TMC1: variants seen among roughly 807,000 people sequenced by gnomAD.
TMC1 encodes the protein transmembrane channel like 1.
Under a neutral mutation model 105.8 loss-of-function variants are expected in TMC1, and 84 were observed. The observed-to-expected ratio is 0.79, with a 90% CI of 0.67 to 0.95. TMC1 has a LOEUF of 0.95. Among genes scored for constraint, TMC1 ranks in the 40% least tolerant of loss-of-function variants. TMC1 has a pLI of 0.00. For synonymous variants in TMC1, 315 were observed against 311.5 expected, an observed-to-expected ratio of 1.01 and a Z score of -0.12; for missense variants, 817 against 914.1, an observed-to-expected ratio of 0.89 and a Z score of 1.37.
rs1223563934 is a variant in TMC1 at position 72,609,368 on chromosome 9, G to A, written c.-305-7000G>A. ...AGCCTGGCCAACATGGTGAAAACCC[G>A]TCTCTACTAAAAATACAAAAATTAG... On this transcript the variant is annotated intron_variant, in intron 2 of 23. Coordinates refer to ENST00000297784, the MANE Select transcript of TMC1 (RefSeq NM_138691.3). Among the ~76,000 whole-genome samples the A allele has an allele frequency of 6.6e-5, 10 of 152,078 alleles. No homozygotes were observed. The East Asian group carries it at 1.4e-3, about 21-fold the overall frequency.
intron 5 of TMC1, among the ~76,000 whole-genome samples, chr9:72,670,072 A>G (rs2589623): frequency 0.5 from 75,349 of 151,956 alleles, 18,988 homozygotes; most frequent in African/African-American, 0.59. Flanking sequence ...AATTCATGAG[A>G]AAGAGTTCCA....
At chr9:72,573,430 C>T (rs978737248) in intron 1 of TMC1, among the ~76,000 whole-genome samples, 1 of 152,190 alleles carries the variant, frequency 6.6e-6, no homozygotes, top group African/African-American at 2.4e-5. Context: ...CCACTAAAGA[C>T]CTCACAGTAC....
At chr9:72,692,018 T>C (rs1292376182) in intron 6 of TMC1, among the ~76,000 whole-genome samples, 1 of 152,120 alleles carries the variant, frequency 6.6e-6, no homozygotes, top group South Asian at 2.1e-4. Flanking sequence ...TTAGAAAAGT[T>C]GGAGTGTTAG....
intron 18 of TMC1, among the ~76,000 whole-genome samples, chr9:72,815,752 C>T (rs1828776962): frequency 6.6e-6 from 1 of 152,142 alleles, no homozygotes; most frequent in Non-Finnish European, 1.5e-5. Flanking sequence ...AGTTTATCAT[C>T]ACATCAGATA....
intron 8 of TMC1, among the ~76,000 whole-genome samples, chr9:72,737,630 A>G (rs1827322278): frequency 6.6e-6 from 1 of 152,084 alleles, no homozygotes; most frequent in South Asian, 2.1e-4. Context: ...TTAGAACCCA[A>G]CTTGCTTGAT....
At chr9:72,707,843 G>A (rs1372602356) in intron 8 of TMC1, among the ~76,000 whole-genome samples, 1 of 152,102 alleles carries the variant, frequency 6.6e-6, no homozygotes, top group Non-Finnish European at 1.5e-5. Context: ...CTAAGCCAAT[G>A]TCTAGAAGGT....
chr9:72,788,229 T>C (rs1828202265), intron 13 of TMC1, 110 bp from the exon 14 acceptor site: 13 of 1,151,458 alleles, frequency 1.1e-5, no homozygotes, highest in Non-Finnish European at 1.7e-5. Flanking sequence ...TTATAAAATA[T>C]ATGTCTTTTT....
At chr9:72,628,505 G>C (rs1224914666) in intron 4 of TMC1, among the ~76,000 whole-genome samples, 3 of 152,220 alleles carry the variant, frequency 2.0e-5, no homozygotes, top group African/African-American at 7.2e-5. Context: ...ACTTGCATGT[G>C]TGTGGGCACA....
intron 5 of TMC1, among the ~76,000 whole-genome samples, chr9:72,676,081 T>C (rs1826197712): frequency 6.6e-6 from 1 of 152,156 alleles, no homozygotes; most frequent in South Asian, 2.1e-4. Flanking sequence ...AAGCATACCA[T>C]TGGCTAAGGC....
intron 4 of TMC1, 86 bp downstream of exon 4, chr9:72,628,149 A>G: frequency 2.2e-6 from 1 of 453,030 alleles, no homozygotes; most frequent in Non-Finnish European, 4.4e-6. Flanking sequence ...ATCACGCAGG[A>G]TTGTATGGAA....
intron 3 of TMC1, among the ~76,000 whole-genome samples, chr9:72,616,920 T>A (rs1225184815): frequency 6.6e-6 from 1 of 152,166 alleles, no homozygotes; most frequent in East Asian, 1.9e-4. Context: ...TTGAATGTTG[T>A]TTCCTTTGTA....
At chr9:72,622,101 A>C (rs1398821418) in intron 3 of TMC1, among the ~76,000 whole-genome samples, 1 of 152,112 alleles carries the variant, frequency 6.6e-6, no homozygotes. Context: ...AATTGAGGGC[A>C]CTGGAGAGAC....
chr9:72,774,476 G>A (rs1827977878), intron 13 of TMC1, among the ~76,000 whole-genome samples: 1 of 152,162 alleles, frequency 6.6e-6, no homozygotes, highest in Admixed American at 6.5e-5. Context: ...CAATTGTTCA[G>A]TAGCCAGATG....
intron 18 of TMC1, among the ~76,000 whole-genome samples, chr9:72,813,182 C>A (rs547744662): frequency 1.3e-5 from 2 of 151,830 alleles, no homozygotes; most frequent in African/African-American, 2.4e-5. Flanking sequence ...CGTTTTTTAC[C>A]TTTGAGCTTT....
At position 72,685,250 on chromosome 9, in the gene TMC1, G is replaced by A. The variant is rs530265969; in HGVS notation, c.17-3459G>A. ...GCCTCCCGAGTAGCTGGGACTACAG[G>A]CGCCCACCACCACACCCGGATAATT... On this transcript the variant is annotated intron_variant, in intron 5 of 23. Transcript: ENST00000297784. 1.0e-3 allele frequency among the ~76,000 whole-genome samples: 158 copies of A among 151,504 alleles called. 1 individual carries two copies. The highest frequency in any genetic ancestry group is 3.5e-3 in the African/African-American group (145 of 41,274).
Position 72,836,024 on chromosome 9 carries a change from G to A in TMC1, c.*51G>A, listed in dbSNP as rs771430357. 35 of 1,509,954 alleles carry A rather than the reference G, an allele frequency of 2.3e-5. No homozygotes were observed. The highest frequency in any genetic ancestry group is 2.9e-5 in the Non-Finnish European group (32 of 1,114,052). 93.5% of individuals were successfully genotyped at this position (1,509,954 alleles called of 1,614,324 possible). On this transcript the variant is annotated 3_prime_UTR_variant, in exon 24 of 24. Transcript: ENST00000297784. ...GTACACTTTGCCTTGCTGTTTAAAA[G>A]TAATGCAATATGTGAACGCCCAGAG...
intron 4 of TMC1, among the ~76,000 whole-genome samples, chr9:72,635,950 A>G (rs920848838): frequency 2.6e-5 from 4 of 152,170 alleles, no homozygotes; most frequent in African/African-American, 9.7e-5. Flanking sequence ...ACTAAATAGG[A>G]TAACTCCCTT....
intron 8 of TMC1, among the ~76,000 whole-genome samples, chr9:72,737,324 G>A (rs1002022619): frequency 1.1e-4 from 17 of 152,234 alleles, no homozygotes; most frequent in African/African-American, 3.4e-4. Flanking sequence ...CGGCATTGCC[G>A]TAGAATTGAC....
intron 5 of TMC1, among the ~76,000 whole-genome samples, chr9:72,685,851 A>C (rs1203594426): frequency 1.3e-5 from 2 of 152,206 alleles, no homozygotes; most frequent in African/African-American, 2.4e-5. Context: ...ACATTGCTTC[A>C]AGAAGTAAAT....
Sources: gnomAD v4.1 joint callset for allele counts (sites outside exome capture counted in the v4.1 genomes callset) on GRCh38, gnomAD v4.1.1 for gene constraint, MANE v1.5 for transcripts, NCBI Gene and HGNC (gene_info 2026-07-23, HGNC 2026-07-21) for gene names.